Variants in CNTNAP4 observed in about 807,000 individuals in gnomAD.
CNTNAP4 encodes contactin-associated protein-like 4.
In CNTNAP4, 98 loss-of-function variants were observed where a neutral mutation model predicts 148.4. The ratio of observed to expected loss-of-function variants is 0.66; its 90% confidence interval spans 0.56 to 0.78. CNTNAP4 has a LOEUF of 0.78. Ranked by LOEUF, CNTNAP4 falls within the 30% of genes least tolerant of loss-of-function variation. The pLI, the probability that CNTNAP4 is intolerant of heterozygous loss-of-function variation, is 0.00. For synonymous variants in CNTNAP4, 730 were observed against 565.1 expected (o/e 1.29, Z -4.14); for missense variants, 1,935 against 1,565.6 (o/e 1.24, Z -3.98).
intron 9 of CNTNAP4, among the ~76,000 whole-genome samples, chr16:76,464,824 A>C (rs1000027973): frequency 3.3e-5 from 5 of 152,102 alleles, no homozygotes; most frequent in African/African-American, 1.2e-4. Flanking sequence ...TCCACCCTCA[A>C]ACAGGTGCTT....
At chr16:76,545,780 G>A (rs2084695570) in intron 21 of CNTNAP4, among the ~76,000 whole-genome samples, 1 of 152,208 alleles carries the variant, frequency 6.6e-6, no homozygotes, top group South Asian at 2.1e-4. Flanking sequence ...GCTCACGCCT[G>A]TAATCCTAGC....
intron 11 of CNTNAP4, among the ~76,000 whole-genome samples, chr16:76,476,673 G>T (rs2081595506): frequency 6.6e-6 from 1 of 152,082 alleles, no homozygotes; most frequent in African/African-American, 2.4e-5. Context: ...TTCTCACTGT[G>T]TCCTCACATG....
At chr16:76,309,750 G>A in intron 1 of CNTNAP4, 1 of 667,532 alleles carries the variant, frequency 1.5e-6, no homozygotes, top group South Asian at 1.6e-5. Flanking sequence ...TTGGGGTTTG[G>A]GCGGAGGGGG....
At chr16:76,295,483 G>T (rs1369451062) in intron 1 of CNTNAP4, among the ~76,000 whole-genome samples, 3 of 151,996 alleles carry the variant, frequency 2.0e-5, no homozygotes, top group Non-Finnish European at 4.4e-5. Context: ...TGAAGGATGG[G>T]AATGATAAAA....
chr16:76,380,114 G>C (rs1263350265), intron 3 of CNTNAP4, among the ~76,000 whole-genome samples: 1 of 152,170 alleles, frequency 6.6e-6, no homozygotes, highest in Non-Finnish European at 1.5e-5. Context: ...CAAGATATTA[G>C]AGTTCAATTA....
At chr16:76,440,935 G>T (rs2080014398) in intron 4 of CNTNAP4, among the ~76,000 whole-genome samples, 2 of 152,128 alleles carry the variant, frequency 1.3e-5, no homozygotes, top group Non-Finnish European at 1.5e-5. Context: ...GGGGTGGGGA[G>T]AAGATACCAG....
At chr16:76,292,371 G>A (rs2143841318) in intron 1 of CNTNAP4, among the ~76,000 whole-genome samples, 1 of 152,288 alleles carries the variant, frequency 6.6e-6, no homozygotes, top group African/African-American at 2.4e-5. Context: ...AGACTGTCAT[G>A]TATGACGGAT....
chr16:76,539,934 C>T, intron 20 of CNTNAP4, 82 bp downstream of exon 20: 1 of 1,006,184 alleles, frequency 9.9e-7, no homozygotes. Flanking sequence ...TGATAATGAA[C>T]ACAATAAGCA....
intron 1 of CNTNAP4, among the ~76,000 whole-genome samples, chr16:76,304,960 G>A (rs1251213222): frequency 1.3e-5 from 2 of 152,172 alleles, no homozygotes; most frequent in African/African-American, 2.4e-5. Context: ...TTATTGCAGA[G>A]TAGTATTTGG....
chr16:76,376,829 G>T (rs1252641459), intron 3 of CNTNAP4, among the ~76,000 whole-genome samples: 1 of 152,046 alleles, frequency 6.6e-6, no homozygotes, highest in Non-Finnish European at 1.5e-5. Flanking sequence ...TGTAGAAAAG[G>T]AAGTGAAGTC....
At chr16:76,453,244 TTGC>T (rs1026740002) in intron 8 of CNTNAP4, among the ~76,000 whole-genome samples, 3 of 152,234 alleles carry the variant, frequency 2.0e-5, no homozygotes, top group African/African-American at 7.2e-5. Flanking sequence ...GTAACTTTAT[TTGC>T]TGATGTCTTA....
At chr16:76,531,143 G>T (rs1201458170) in intron 17 of CNTNAP4, among the ~76,000 whole-genome samples, 1 of 152,122 alleles carries the variant, frequency 6.6e-6, no homozygotes, top group Non-Finnish European at 1.5e-5. Context: ...TAAGGCCCCT[G>T]GGTGAGTGGG....
chr16:76,473,632 A>G (rs1354273480), intron 10 of CNTNAP4, among the ~76,000 whole-genome samples: 1 of 151,924 alleles, frequency 6.6e-6, no homozygotes, highest in South Asian at 2.1e-4. Flanking sequence ...AAATTAGCCA[A>G]GCGTGGTGGC....
At chr16:76,540,895 A>T in intron 21 of CNTNAP4, 105 bp downstream of exon 21, 1 of 713,858 alleles carries the variant, frequency 1.4e-6, no homozygotes, top group Non-Finnish European at 2.3e-6. Flanking sequence ...GGCAAAGGAA[A>T]TCCCTTGCCT....
intron 2 of CNTNAP4, among the ~76,000 whole-genome samples, chr16:76,323,082 C>T (rs909699733): frequency 6.6e-6 from 1 of 151,988 alleles, no homozygotes; most frequent in Non-Finnish European, 1.5e-5. Context: ...CCTGACCTCA[C>T]GTGATCTGCC....
chr16:76,468,086 A>G (rs912933641), intron 10 of CNTNAP4, among the ~76,000 whole-genome samples: 5 of 152,234 alleles, frequency 3.3e-5, no homozygotes, highest in African/African-American at 1.2e-4. Flanking sequence ...TCAAGGTATA[A>G]GGATGATCAA....
At chr16:76,330,830 T>C (rs1256352546) in intron 2 of CNTNAP4, among the ~76,000 whole-genome samples, 1 of 152,096 alleles carries the variant, frequency 6.6e-6, no homozygotes, top group Admixed American at 6.5e-5. Context: ...TTCAGAAAAA[T>C]GTCATAAATA....
At position 76,277,424 on chromosome 16, in the gene CNTNAP4, G is replaced by GGT. The variant is rs1215069220; in HGVS notation, c.-231_-230dup. 6.2e-6 allele frequency: 3 copies of GGT among 484,292 alleles called. No individual in the cohort carries two copies. Among genetic ancestry groups the GGT allele is most frequent in the African/African-American group, 3.9e-5 (2 of 51,356 alleles). 30.0% of individuals were successfully genotyped at this position (484,292 alleles called of 1,614,324 possible). A position where few individuals can be genotyped will look rare whatever the true frequency, so the allele number is the denominator to read the frequency against. ...GTGCTTTTCAGTGAGGAGTCAGGGA[G>GGT]GTGTGTGTGAGAGAGAGAGAGAAAA... is the stretch of plus-strand genomic sequence containing the variant. On this transcript the variant is annotated 5_prime_UTR_variant, in exon 1 of 24. Coordinates refer to ENST00000611870, the MANE Select transcript of CNTNAP4 (RefSeq NM_033401.5).
intron 2 of CNTNAP4, among the ~76,000 whole-genome samples, chr16:76,339,499 AAC>A (rs1212695240): frequency 6.6e-6 from 1 of 152,160 alleles, no homozygotes; most frequent in Non-Finnish European, 1.5e-5. Context: ...TGGAATTCAA[AAC>A]ACATTTCAGA....
Sources: gnomAD v4.1 joint callset for allele counts (sites outside exome capture counted in the v4.1 genomes callset) on GRCh38, gnomAD v4.1.1 for gene constraint, MANE v1.5 for transcripts, NCBI Gene and HGNC (gene_info 2026-07-23, HGNC 2026-07-21) for gene names.